The following TMEM87B variants were observed in gnomAD, a reference collection of about 807,000 sequenced individuals.
TMEM87B encodes transmembrane protein 87B.
In TMEM87B, 83 loss-of-function variants were observed where a neutral mutation model predicts 80.3. The observed-to-expected ratio is 1.03, with a 90% CI of 0.87 to 1.24. The LOEUF (loss-of-function observed/expected upper bound fraction) is 1.24, where lower values mean the gene tolerates loss of function less well. TMEM87B is among the 50% of genes most tolerant of loss of function. The pLI, the probability that TMEM87B is intolerant of heterozygous loss-of-function variation, is 0.00. For missense variants in TMEM87B, 625 were observed against 674.4 expected (o/e 0.93, Z 0.81); for synonymous variants, 219 against 230.5 (o/e 0.95, Z 0.45).
chr2:112,110,237 A>G (rs1417612904), intron 17 of TMEM87B, among the ~76,000 whole-genome samples: 2 of 152,094 alleles, frequency 1.3e-5, no homozygotes, highest in African/African-American at 4.8e-5. Context: ...ACCACACATT[A>G]AGATTTCTGT....
intron 8 of TMEM87B, among the ~76,000 whole-genome samples, chr2:112,084,279 T>C (rs10182333): frequency 0.57 from 87,129 of 152,042 alleles, 25,740 homozygotes; most frequent in East Asian, 0.87. Context: ...ACCCCTTCTT[T>C]ACATTCTGCA....
In TMEM87B at chr2:112,098,661, A is replaced by G. The variant is rs1679542401; in HGVS notation, c.1339A>G (p.Ile447Val). 6.2e-7 allele frequency: 1 copy of G among 1,614,024 alleles called. No homozygotes were observed. Among genetic ancestry groups the G allele is most frequent in the Non-Finnish European group, 8.5e-7 (1 of 1,180,032 alleles). ...SFLFSLILIV[I>V]MFLWRPSANN... is the part of the protein sequence containing the mutation. ...CCTTTTTTCGCTTATCCTTATTGTA[A>G]TCATGTTTTTGTGGAGACCATCAGC... is the stretch of plus-strand genomic sequence containing the variant. The change falls in exon 14 of 19, where the codon ATC becomes GTC. Residue 447 changes from isoleucine (I) to valine (V), a missense_variant. By Grantham distance (29) the Ile-to-Val change is conservative. Transcript: ENST00000283206.
rs180714814 is a variant in TMEM87B, at chr2:112,113,288, T to G, written c.1608+359T>G. Among the ~76,000 whole-genome samples, 24 of 152,320 alleles carry G rather than the reference T, an allele frequency of 1.6e-4. No individual in the cohort carries two copies. The East Asian group carries it at 4.4e-3, about 28-fold the overall frequency. On this transcript the variant is annotated intron_variant, in intron 18 of 18. Transcript: ENST00000283206. ...TCATTTACTAAGCAGGAAATTTGGA[T>G]AGAGGATGTGGATTTAGGAAAGTTT...
In TMEM87B at chr2:112,067,084, C is replaced by T. The variant is rs777224091; in HGVS notation, c.450+17C>T. On this transcript the variant is annotated intron_variant, in intron 4 of 18. Coordinates refer to ENST00000283206, the MANE Select transcript of TMEM87B (RefSeq NM_032824.3). ...TCTTTGAATGTGAGTATCTGACTTG[C>T]CATGTTAAAGTTTATTTTATTCCCA... The T allele has an allele frequency of 6.2e-7, 1 of 1,604,102 alleles. No individual in the cohort carries two copies. Among genetic ancestry groups the T allele is most frequent in the South Asian group, 1.1e-5 (1 of 88,248 alleles).
intron 18 of TMEM87B, among the ~76,000 whole-genome samples, chr2:112,113,528 A>G (rs1679977640): frequency 6.6e-6 from 1 of 152,172 alleles, no homozygotes; most frequent in Non-Finnish European, 1.5e-5. Context: ...AAGAGAAGGA[A>G]ATGATTTTGG....
At chr2:112,055,829 C>G in intron 1 of TMEM87B, 73 bp downstream of exon 1, 1 of 1,425,508 alleles carries the variant, frequency 7.0e-7, no homozygotes, top group East Asian at 2.8e-5. Flanking sequence ...TCGCTTGACC[C>G]CGGGCTTGTT....
chr2:112,055,626 T>C lies in TMEM87B; in HGVS notation c.35T>C (p.Leu12Pro). The change falls in exon 1 of 19, where the codon CTG (leucine) becomes CCG (proline). Residue 12 changes from leucine to proline, a missense_variant. Transcript: ENST00000283206. Reference sequence around the variant, plus strand: ...GCCTGCCGCTCGGTAGCCGGGCTCCTGCCACGCCGCCGCCGCTGCTTTCCC... The same window carrying C: ...GCCTGCCGCTCGGTAGCCGGGCTCCCGCCACGCCGCCGCCGCTGCTTTCCC... ...VAACRSVAGL[L>P]PRRRRCFPAR... 1 of 1,545,480 alleles carries C rather than the reference T, an allele frequency of 6.5e-7. No individual in the cohort carries two copies. The highest frequency in any genetic ancestry group is 8.7e-7 in the Non-Finnish European group (1 of 1,147,900).
At chr2:112,059,932 A>G (rs770068021) in intron 1 of TMEM87B, 45 bp from the exon 2 acceptor site, 2 of 1,581,534 alleles carry the variant, frequency 1.3e-6, no homozygotes, top group Non-Finnish European at 1.7e-6. Context: ...CAGTTGCAAA[A>G]AAAACTTTCT....
intron 13 of TMEM87B, among the ~76,000 whole-genome samples, chr2:112,098,340 G>A (rs1268062924): frequency 6.6e-6 from 1 of 152,116 alleles, no homozygotes; most frequent in East Asian, 1.9e-4. Context: ...CTAAGTATAT[G>A]TTTTGCATCT....
chr2:112,095,216 G>C, intron 11 of TMEM87B: 1 of 278,864 alleles, frequency 3.6e-6, no homozygotes, highest in South Asian at 1.8e-4. Flanking sequence ...TTTTTTTGCT[G>C]TTTTGCTGCA....
intron 14 of TMEM87B, among the ~76,000 whole-genome samples, chr2:112,099,025 G>GC (rs1183129462): frequency 2.0e-5 from 3 of 151,580 alleles, no homozygotes; most frequent in Non-Finnish European, 4.4e-5. Context: ...TACTTTGGAG[G>GC]CCAGTGAGAC....
rs1678459789 is a variant in TMEM87B at position 112,067,129 on chromosome 2, G to T, written c.450+62G>T. The T allele has an allele frequency of 1.0e-5, 16 of 1,563,588 alleles. No individual in the cohort carries two copies. The South Asian group carries it at 2.0e-4, about 19-fold the overall frequency. On this transcript the variant is annotated intron_variant, in intron 4 of 18. Coordinates refer to ENST00000283206, the MANE Select transcript of TMEM87B (RefSeq NM_032824.3). ...TTCCCAGTGAATACAAGTATCAACT[G>T]AAGTAATGTTTTATCGGAATTTTGA...
chr2:112,056,837 G>A (rs1415792478), intron 1 of TMEM87B, among the ~76,000 whole-genome samples: 2 of 152,172 alleles, frequency 1.3e-5, no homozygotes, highest in East Asian at 3.8e-4. Context: ...TTGTGTGCCA[G>A]TTATAGTCTG....
At chr2:112,095,484 T>C in intron 11 of TMEM87B, 1 of 970,192 alleles carries the variant, frequency 1.0e-6, no homozygotes, top group Non-Finnish European at 1.2e-6. Flanking sequence ...AAAACATTTT[T>C]TTAAAATTAT....
intron 15 of TMEM87B, among the ~76,000 whole-genome samples, chr2:112,103,382 A>G (rs145336267): frequency 1.9e-3 from 285 of 152,308 alleles, no homozygotes; most frequent in African/African-American, 6.7e-3. Flanking sequence ...TGATAAATAG[A>G]TTCAGTGCAA....
At chr2:112,097,384 A>T in intron 13 of TMEM87B, 93 bp downstream of exon 13, 1 of 1,070,714 alleles carries the variant, frequency 9.3e-7, no homozygotes, top group South Asian at 1.6e-5. Context: ...AATAGAGGTG[A>T]TTTTAATGGA....
chr2:112,101,373 G>T (rs1558848658), intron 15 of TMEM87B, among the ~76,000 whole-genome samples: 1 of 152,076 alleles, frequency 6.6e-6, no homozygotes, highest in Non-Finnish European at 1.5e-5. Context: ...ACTTTGAAAA[G>T]CTTAGTGAAA....
At chr2:112,107,673 A>C in intron 16 of TMEM87B, 115 bp from the exon 17 acceptor site, 3 of 496,180 alleles carry the variant, frequency 6.0e-6, no homozygotes, top group Non-Finnish European at 1.0e-5. Flanking sequence ...ATATGTAGAA[A>C]CTAAAAGAAT....
In TMEM87B at chr2:112,118,663, A is replaced by G. The variant is rs1680085264; in HGVS notation, c.*2520A>G. 6.6e-6 allele frequency: 1 copy of G among 152,114 alleles called. No homozygotes were observed. The highest frequency in any genetic ancestry group is 6.6e-5 in the Admixed American group (1 of 15,266). The allele number at this position is 152,114 out of a possible 1,614,324, so 9.4% of individuals were successfully genotyped here. A position where few individuals can be genotyped will look rare whatever the true frequency, so the allele number is the denominator to read the frequency against. On this transcript the variant is annotated 3_prime_UTR_variant, in exon 19 of 19. Coordinates refer to ENST00000283206, the MANE Select transcript of TMEM87B (RefSeq NM_032824.3). ...CTGAGAGATGATAGAATGTTCCCAT[A>G]TTTTTCTTGTAAAGAAAATAATATT...
Sources: gnomAD v4.1 joint callset for allele counts (sites outside exome capture counted in the v4.1 genomes callset) on GRCh38, gnomAD v4.1.1 for gene constraint, MANE v1.5 for transcripts, NCBI Gene and HGNC (gene_info 2026-07-23, HGNC 2026-07-21) for gene names.